Variants in CDADC1 observed in about 807,000 individuals in gnomAD.
CDADC1 encodes dCTP deaminase.
CDADC1 carries 39 observed loss-of-function variants against 54.9 expected under a neutral mutation model. That is an observed-to-expected ratio of 0.71 (90% CI 0.55 to 0.93). The LOEUF (loss-of-function observed/expected upper bound fraction) is 0.93, where lower values mean the gene tolerates loss of function less well. Among genes scored for constraint, CDADC1 ranks in the 40% least tolerant of loss-of-function variants. The probability of loss-of-function intolerance (pLI) is 0.00; values close to 1 mark genes in which losing one functional copy is unlikely to be tolerated. For missense variants in CDADC1, 518 were observed against 618.8 expected, an observed-to-expected ratio of 0.84 and a Z score of 1.73; for synonymous variants, 186 against 204.0, an observed-to-expected ratio of 0.91 and a Z score of 0.75.
intron 4 of CDADC1, among the ~76,000 whole-genome samples, chr13:49,264,859 A>G (rs904184744): frequency 6.6e-6 from 1 of 152,234 alleles, no homozygotes; most frequent in African/African-American, 2.4e-5. Context: ...CACTGAATTC[A>G]TAATGAATTA....
chr13:49,291,900 C>G lies in CDADC1; in HGVS notation c.*143C>G, dbSNP rs1019266849. The G allele has an allele frequency of 7.0e-6, 10 of 1,420,548 alleles. No homozygotes were observed. In the African/African-American group the frequency reaches 1.2e-4, roughly 16 times the overall value. The allele number at this position is 1,420,548 out of a possible 1,614,324, so 88.0% of individuals were successfully genotyped here. On this transcript the variant is annotated 3_prime_UTR_variant, in exon 10 of 10. Transcript: ENST00000251108. The stretch of plus-strand genomic sequence containing the variant: ...AGGAAGCTAATTTATTTCTAGGATA[C>G]AAATGGTGTTAATAAGAATATTTGT...
chr13:49,270,415 A>T (rs1952937034), intron 5 of CDADC1, among the ~76,000 whole-genome samples: 1 of 152,064 alleles, frequency 6.6e-6, no homozygotes, highest in African/African-American at 2.4e-5. Context: ...GATATGTCTC[A>T]CTGTGTTGCC....
intron 4 of CDADC1, among the ~76,000 whole-genome samples, chr13:49,265,411 A>G (rs1209305379): frequency 6.6e-6 from 1 of 152,194 alleles, no homozygotes; most frequent in African/African-American, 2.4e-5. Flanking sequence ...GAAAATCTCA[A>G]TTGGGCTTTT....
rs1952568387 is a variant in CDADC1, at chr13:49,257,320, T to A, written c.252+1407T>A. ...ACTTGATAGGAACAATTTTTTTTTT[T>A]ATGTTTTATTCTGGCTTTATTTCTG... On this transcript the variant is annotated intron_variant, in intron 3 of 9. Coordinates refer to ENST00000251108, the MANE Select transcript of CDADC1 (RefSeq NM_030911.4). 2.6e-5 allele frequency among the ~76,000 whole-genome samples: 4 copies of A among 152,306 alleles called. No individual in the cohort carries two copies. In the South Asian group the frequency reaches 8.3e-4, roughly 32 times the overall value.
In CDADC1 at chr13:49,267,914, A is replaced by G. The variant is rs1374551496; in HGVS notation, c.855A>G (p.Thr285=). The change falls in exon 5 of 10, where the codon ACA becomes ACG. Residue 285 remains threonine (T), a synonymous_variant. Coordinates refer to ENST00000251108, the MANE Select transcript of CDADC1 (RefSeq NM_030911.4). The stretch of plus-strand genomic sequence containing the variant: ...AAGACCTTATCCTACTTTTGGCCAC[A>G]GTAGCTTCCAGTGTGCCGAACTTTA... The part of the protein sequence containing the change: ...NMKDLILLLA[T]VASSVPNFKH... The G allele has an allele frequency of 2.5e-6, 4 of 1,614,190 alleles. No homozygotes were observed. Among genetic ancestry groups the G allele is most frequent in the East Asian group, 2.2e-5 (1 of 44,888 alleles).
At chr13:49,276,138 AATT>A (rs942274080) in intron 6 of CDADC1, among the ~76,000 whole-genome samples, 1 of 152,204 alleles carries the variant, frequency 6.6e-6, no homozygotes, top group Admixed American at 6.5e-5. Flanking sequence ...ATCAATAAAA[AATT>A]ATTGATGAAA....
chr13:49,268,963 A>G (rs1952896707), intron 5 of CDADC1, among the ~76,000 whole-genome samples: 1 of 152,218 alleles, frequency 6.6e-6, no homozygotes, highest in South Asian at 2.1e-4. Context: ...TGTATTTCCA[A>G]ACATGGAACA....
chr13:49,288,280 T>G (rs749638543), intron 9 of CDADC1, among the ~76,000 whole-genome samples: 45 of 152,232 alleles, frequency 3.0e-4, no homozygotes, highest in South Asian at 1.2e-3. Context: ...AAGTGTTTGA[T>G]CTCAGTAAGC....
In CDADC1 at chr13:49,285,336, G is replaced by A. The variant is rs535286812; in HGVS notation, c.1411-886G>A. On this transcript the variant is annotated intron_variant, in intron 8 of 9. Transcript: ENST00000251108. ...TGGGACTACAGGCACCGGCCACCAC[G>A]CCCAGCTAATTTTTTGTATTTTTAG... Among the ~76,000 whole-genome samples the A allele has an allele frequency of 1.6e-3, 249 of 151,750 alleles. 2 individuals are homozygous for A. Among genetic ancestry groups the A allele is most frequent in the African/African-American group, 5.7e-3 (237 of 41,376 alleles).
chr13:49,281,902 C>T (rs971147338), intron 8 of CDADC1, among the ~76,000 whole-genome samples: 11 of 151,896 alleles, frequency 7.2e-5, no homozygotes, highest in Non-Finnish European at 1.3e-4. Flanking sequence ...CAGCGATTCT[C>T]CTGCCTTGCT....
chr13:49,271,348 C>A (rs772549196), intron 5 of CDADC1, among the ~76,000 whole-genome samples: 2 of 152,156 alleles, frequency 1.3e-5, no homozygotes, highest in Admixed American at 6.5e-5. Flanking sequence ...GTGATCTCTT[C>A]GTGTCTTGCT....
At chr13:49,252,832 A>G (rs1952464641) in intron 2 of CDADC1, among the ~76,000 whole-genome samples, 1 of 152,222 alleles carries the variant, frequency 6.6e-6, no homozygotes, top group Non-Finnish European at 1.5e-5. Flanking sequence ...TTAATTTTAA[A>G]TTATACAGTA....
chr13:49,270,176 T>G (rs910539124), intron 5 of CDADC1, among the ~76,000 whole-genome samples: 4 of 152,218 alleles, frequency 2.6e-5, no homozygotes, highest in African/African-American at 9.6e-5. Context: ...CAATCCCTTA[T>G]GCAAAACTTT....
At chr13:49,290,039 G>A (rs1442553770) in intron 9 of CDADC1, among the ~76,000 whole-genome samples, 1 of 151,996 alleles carries the variant, frequency 6.6e-6, no homozygotes, top group African/African-American at 2.4e-5. Context: ...GACTGAGACA[G>A]ACCCTGTCTC....
intron 2 of CDADC1, among the ~76,000 whole-genome samples, chr13:49,253,999 A>AATTATTT (rs1297616296): frequency 6.6e-6 from 1 of 152,232 alleles, no homozygotes; most frequent in Non-Finnish European, 1.5e-5. Flanking sequence ...ACCATGGTTG[A>AATTATTT]ATTATTTAAT....
At chr13:49,248,790 C>T (rs1415953231) in intron 1 of CDADC1, 81 bp from the exon 2 acceptor site, 8 of 867,284 alleles carry the variant, frequency 9.2e-6, no homozygotes, top group East Asian at 4.8e-5. Context: ...GCTTAGGCTG[C>T]AGCACCTAAG....
chr13:49,259,803 C>T (rs749468305), intron 4 of CDADC1, among the ~76,000 whole-genome samples: 17 of 151,904 alleles, frequency 1.1e-4, no homozygotes, highest in East Asian at 1.9e-4. Context: ...CCCGTGATTG[C>T]GCCACTGCAC....
rs1471991062 is a variant in CDADC1 at position 49,255,930 on chromosome 13, T to C, written c.252+17T>C. 1 of 1,609,166 alleles carries C rather than the reference T, an allele frequency of 6.2e-7. No homozygotes were observed. Reference sequence around the variant, plus strand: ...AAAAGACAGGTAAATTTTTATGATTTCACATATATATGCTCATAATAACAA... The same window carrying C: ...AAAAGACAGGTAAATTTTTATGATTCCACATATATATGCTCATAATAACAA... On this transcript the variant is annotated intron_variant, in intron 3 of 9. Transcript: ENST00000251108.
intron 4 of CDADC1, among the ~76,000 whole-genome samples, chr13:49,267,015 A>G (rs1952831262): frequency 6.6e-6 from 1 of 152,136 alleles, no homozygotes; most frequent in South Asian, 2.1e-4. Context: ...ATGCATTCCT[A>G]GAGGCTCTGT....
Sources: gnomAD v4.1 joint callset for allele counts (sites outside exome capture counted in the v4.1 genomes callset) on GRCh38, gnomAD v4.1.1 for gene constraint, MANE v1.5 for transcripts, NCBI Gene and HGNC (gene_info 2026-07-23, HGNC 2026-07-21) for gene names.